Variants in GPC4 observed in about 807,000 individuals in gnomAD.
GPC4 encodes the protein glypican 4, also known as glypican-4.
A neutral mutation model predicts 35.0 loss-of-function variants in GPC4; 10 were observed. That is an observed-to-expected ratio of 0.29 (90% confidence interval 0.18 to 0.48). The LOEUF (loss-of-function observed/expected upper bound fraction) is 0.48, where lower values mean the gene tolerates loss of function less well. GPC4 is among the 20% of genes least tolerant of loss of function. GPC4 has a pLI of 0.99. For synonymous variants in GPC4, 167 were observed against 170.2 expected (o/e 0.98, Z 0.15); for missense variants, 322 against 451.3 (o/e 0.71, Z 2.60).
intron 1 of GPC4, among the ~76,000 whole-genome samples, chrX:133,388,610 C>T (rs956444597): frequency 3.2e-4 from 35 of 108,316 alleles, no homozygotes; most frequent in African/African-American, 1.2e-3. Context: ...TCTCGGCTCA[C>T]GGCAAGCTCC....
chrX:133,363,215 T>C (rs2068576707), intron 1 of GPC4, among the ~76,000 whole-genome samples: 1 of 111,571 alleles, frequency 9.0e-6, no homozygotes, highest in Non-Finnish European at 1.9e-5. Flanking sequence ...GTTTTGTTTT[T>C]TGCAGGAATG....
At chrX:133,349,338 G>A (rs1428549616) in intron 1 of GPC4, among the ~76,000 whole-genome samples, 1 of 112,427 alleles carries the variant, frequency 8.9e-6, no homozygotes, top group Non-Finnish European at 1.9e-5. Context: ...CCTAGGGGCT[G>A]AATCAACACT....
Position 133,300,705 on chromosome X carries a change from T to C in GPC4, c.*2162A>G, listed in dbSNP as rs1455563193. 3 of 112,304 alleles carry C rather than the reference T, an allele frequency of 2.7e-5. No homozygotes were observed. The highest frequency in any genetic ancestry group is 3.8e-5 in the Non-Finnish European group (2 of 53,266). The allele number at this position is 112,304 out of a possible 1,213,427, so 9.3% of individuals were successfully genotyped here. ...AGAATACTTAATTTGGAAAATGTTATTGGTTTAGAGAATTTGACTGGAAGA... is the reference window on the plus strand; with the variant it reads ...AGAATACTTAATTTGGAAAATGTTACTGGTTTAGAGAATTTGACTGGAAGA... On this transcript the variant is annotated 3_prime_UTR_variant, in exon 9 of 9. Transcript: ENST00000370828.
At chrX:133,393,774 A>C (rs140359982) in intron 1 of GPC4, among the ~76,000 whole-genome samples, 9 of 112,274 alleles carry the variant, frequency 8.0e-5, no homozygotes, top group African/African-American at 2.6e-4. Flanking sequence ...ACCAAACACA[A>C]AAAAACACAC....
intron 1 of GPC4, among the ~76,000 whole-genome samples, chrX:133,391,038 C>T (rs375750758): frequency 8.9e-6 from 1 of 111,745 alleles, no homozygotes; most frequent in Non-Finnish European, 1.9e-5. Flanking sequence ...AACATCAGAC[C>T]GGAAAGAAAA....
At chrX:133,359,620 A>AGAT (rs1319395686) in intron 1 of GPC4, among the ~76,000 whole-genome samples, 1 of 111,480 alleles carries the variant, frequency 9.0e-6, no homozygotes, top group Non-Finnish European at 1.9e-5. Flanking sequence ...GCTAAAATGG[A>AGAT]GATGGTGGAG....
intron 2 of GPC4, among the ~76,000 whole-genome samples, chrX:133,330,952 AAACAAACGAAC>A (rs1569344935): frequency 1.3e-3 from 69 of 51,851 alleles, no homozygotes; most frequent in Non-Finnish European, 1.9e-3. Flanking sequence ...TAAGCAAAAC[AAACAAACGAAC>A]AAACAAACAA....
chrX:133,391,514 T>TA (rs2068719475), intron 1 of GPC4, among the ~76,000 whole-genome samples: 1 of 112,442 alleles, frequency 8.9e-6, no homozygotes, highest in Admixed American at 9.5e-5. Context: ...TTCTGCTGGT[T>TA]AATTTTGTAA....
intron 1 of GPC4, among the ~76,000 whole-genome samples, chrX:133,399,636 G>A (rs1245468556): frequency 8.9e-6 from 1 of 111,831 alleles, no homozygotes; most frequent in Non-Finnish European, 1.9e-5. Context: ...CAACCAATTG[G>A]AATTAAGCAA....
At chrX:133,392,598 G>T (rs1376521405) in intron 1 of GPC4, among the ~76,000 whole-genome samples, 1 of 104,746 alleles carries the variant, frequency 9.5e-6, no homozygotes, top group African/African-American at 3.5e-5. Context: ...CATAGAAATG[G>T]TCCTAAAAAG....
In GPC4 at chrX:133,373,624, G is replaced by A. The variant is rs192307229; in HGVS notation, c.161-34283C>T. The stretch of plus-strand genomic sequence containing the variant: ...GGTTTCCCATCACCAGGGCTCAGGG[G>A]CAAAGGGTAGTTGATGATCTGCCAA... On this transcript the variant is annotated intron_variant, in intron 1 of 8. Transcript: ENST00000370828. Among the ~76,000 whole-genome samples, 678 of 111,464 alleles carry A rather than the reference G, an allele frequency of 6.1e-3. 6 individuals carry two copies. Among genetic ancestry groups the A allele is most frequent in the Middle Eastern group, 0.037 (8 of 214 alleles).
At position 133,300,983 on chromosome X, in the gene GPC4, T is replaced by G. The variant is rs919464356; in HGVS notation, c.*1884A>C. On this transcript the variant is annotated 3_prime_UTR_variant, in exon 9 of 9. Transcript: ENST00000370828. The stretch of plus-strand genomic sequence containing the variant: ...ATATATAAATGGAGTGCCTTTTCAA[T>G]TTTATGTCTTCTGATTTGTTTTAAA... 2.7e-5 allele frequency: 3 copies of G among 111,561 alleles called. No individual in the cohort carries two copies. Among genetic ancestry groups the G allele is most frequent in the African/African-American group, 9.8e-5 (3 of 30,581 alleles). The allele number at this position is 111,561 out of a possible 1,213,427, so 9.2% of individuals were successfully genotyped here. A position where few individuals can be genotyped will look rare whatever the true frequency, so the allele number is the denominator to read the frequency against.
At chrX:133,311,861 C>T (rs888849075) in intron 3 of GPC4, among the ~76,000 whole-genome samples, 1 of 112,048 alleles carries the variant, frequency 8.9e-6, no homozygotes, top group African/African-American at 3.2e-5. Flanking sequence ...CTTTGCCAGA[C>T]TGGAACAGAA....
intron 1 of GPC4, among the ~76,000 whole-genome samples, chrX:133,373,661 T>G (rs1335613578): frequency 9.0e-6 from 1 of 111,369 alleles, no homozygotes; most frequent in African/African-American, 3.3e-5. Context: ...AACGGGGTTG[T>G]AGAAAGTCAG....
At chrX:133,346,933 C>T (rs1023367491) in intron 1 of GPC4, among the ~76,000 whole-genome samples, 5 of 110,925 alleles carry the variant, frequency 4.5e-5, no homozygotes, top group African/African-American at 1.3e-4. Flanking sequence ...GGGTTTCTTT[C>T]GGGGGTGATG....
At chrX:133,311,622 A>T in intron 3 of GPC4, 199 bp from the exon 4 acceptor site, 2 of 458,328 alleles carry the variant, frequency 4.4e-6, no homozygotes, top group Non-Finnish European at 7.6e-6. Flanking sequence ...GAGGAGGGAG[A>T]TGACCCAAAA....
At chrX:133,382,424 CAAAAAAA>C (rs1284709655) in intron 1 of GPC4, among the ~76,000 whole-genome samples, 1 of 15,644 alleles carries the variant, frequency 6.4e-5, no homozygotes, top group African/African-American at 2.7e-4. Context: ...GACTCCGTCT[CAAAAAAA>C]AAAAAAAAAA....
intron 1 of GPC4, among the ~76,000 whole-genome samples, chrX:133,376,768 T>C (rs2068635394): frequency 8.9e-6 from 1 of 112,099 alleles, no homozygotes; most frequent in African/African-American, 3.2e-5. Flanking sequence ...CCTTCATGTG[T>C]TGGCTTTCGG....
intron 1 of GPC4, among the ~76,000 whole-genome samples, chrX:133,359,111 A>G (rs150575414): frequency 3.5e-3 from 388 of 111,478 alleles, no homozygotes; most frequent in African/African-American, 0.012. Context: ...AGTGTGGATA[A>G]ACAAATGTGT....
Sources: allele counts gnomAD v4.1 joint callset (sites outside exome capture counted in the v4.1 genomes callset), GRCh38; gene constraint gnomAD v4.1.1; transcripts MANE v1.5; gene names NCBI Gene and HGNC (gene_info 2026-07-23, HGNC 2026-07-21).